HMGXB4: variants seen among roughly 807,000 people sequenced by gnomAD.
The protein encoded by HMGXB4 is HMG domain-containing protein 4.
HMGXB4 carries 27 observed loss-of-function variants against 63.9 expected under a neutral mutation model. The ratio of observed to expected loss-of-function variants is 0.42; its 90% confidence interval spans 0.31 to 0.58. HMGXB4 has a LOEUF of 0.58. Ranked by LOEUF, HMGXB4 falls within the 20% of genes least tolerant of loss-of-function variation. HMGXB4 has a pLI of 0.13. For missense variants in HMGXB4, 624 were observed against 700.7 expected (o/e 0.89, Z 1.24); for synonymous variants, 264 against 265.3 (o/e 0.99, Z 0.05).
At chr22:35,255,402 C>CT (rs1158372968), upstream of HMGXB4, among the ~76,000 whole-genome samples, 1 of 152,154 alleles carries the variant, frequency 6.6e-6, no homozygotes, top group Non-Finnish European at 1.5e-5. Flanking sequence ...GTGGTCCCAG[C>CT]TACTTGGGGG....
chr22:35,291,310 G>C (rs1215262940), intron 9 of HMGXB4, among the ~76,000 whole-genome samples: 1 of 152,112 alleles, frequency 6.6e-6, no homozygotes, highest in Non-Finnish European at 1.5e-5. Flanking sequence ...GGCGTGTGGT[G>C]TGTGTGTATC....
At chr22:35,259,655 T>C (rs907727221) in intron 1 of HMGXB4, among the ~76,000 whole-genome samples, 1 of 152,216 alleles carries the variant, frequency 6.6e-6, no homozygotes, top group Non-Finnish European at 1.5e-5. Context: ...ATATCCTGAT[T>C]TTAAAGAACG....
At chr22:35,242,914 G>A in the HMGXB4 span, among the ~76,000 whole-genome samples, 2 of 152,160 alleles carry the variant, frequency 1.3e-5, no homozygotes, top group African/African-American at 2.4e-5. Context: ...GTTTTCAAGT[G>A]TATGGAGATT....
chr22:35,283,821 A>G, intron 5 of HMGXB4, 141 bp from the exon 6 acceptor site: 1 of 553,190 alleles, frequency 1.8e-6, no homozygotes, highest in Non-Finnish European at 3.2e-6. Context: ...TATCCTGTTT[A>G]GGAAAGCTGG....
At chr22:35,277,905 T>G (rs1305771516) in intron 5 of HMGXB4, among the ~76,000 whole-genome samples, 1 of 152,114 alleles carries the variant, frequency 6.6e-6, no homozygotes, top group African/African-American at 2.4e-5. Flanking sequence ...CCCTCTTACA[T>G]TGGTATTGTC....
chr22:35,255,010 A>G (rs1922330047), upstream of HMGXB4, among the ~76,000 whole-genome samples: 1 of 152,190 alleles, frequency 6.6e-6, no homozygotes, highest in Non-Finnish European at 1.5e-5. Flanking sequence ...CCCTTCTGAC[A>G]GCAACCCTTG....
Position 35,263,826 on chromosome 22 carries a change from A to C in HMGXB4, c.211A>C (p.Thr71Pro). 6.2e-7 allele frequency: 1 copy of C among 1,613,562 alleles called. No individual in the cohort carries two copies. The highest frequency in any genetic ancestry group is 8.5e-7 in the Non-Finnish European group (1 of 1,179,450). Residue 71 changes from threonine (T) to proline (P), a missense_variant, in exon 4 of 11, where the codon ACA becomes CCA. By Grantham distance (38) the Thr-to-Pro change is conservative (BLOSUM62 -1). Coordinates refer to ENST00000216106, the MANE Select transcript of HMGXB4 (RefSeq NM_001003681.3). ...TGAACTTTACTTCTTGGGGACGGAC[A>C]CACACAAGAAGAAGAGGAAGCACTC... is the stretch of plus-strand genomic sequence containing the variant. ...DSELYFLGTDTHKKKRKHSSD... is the reference protein window; with the variant it reads ...DSELYFLGTDPHKKKRKHSSD...
the HMGXB4 span, among the ~76,000 whole-genome samples, chr22:35,246,801 T>G: frequency 6.6e-6 from 1 of 152,250 alleles, no homozygotes; most frequent in African/African-American, 2.4e-5. Flanking sequence ...GCATTTGTTT[T>G]GTATGTAAAA....
intron 5 of HMGXB4, among the ~76,000 whole-genome samples, chr22:35,268,715 G>C (rs918812751): frequency 6.6e-6 from 1 of 152,130 alleles, no homozygotes; most frequent in African/African-American, 2.4e-5. Flanking sequence ...TGAAACCTTA[G>C]CCAAACATTC....
chr22:35,283,892 A>G lies in HMGXB4; in HGVS notation c.1216-70A>G, dbSNP rs573941813. 5.8e-4 allele frequency: 632 copies of G among 1,095,210 alleles called. 3 individuals carry two copies. The African/African-American group carries it at 7.4e-3, about 13-fold the overall frequency. 67.8% of individuals were successfully genotyped at this position (1,095,210 alleles called of 1,614,324 possible). On this transcript the variant is annotated intron_variant, in intron 5 of 10. Coordinates refer to ENST00000216106, the MANE Select transcript of HMGXB4 (RefSeq NM_001003681.3). ...TTAGGTATCCTTCTATTTTATTACT[A>G]TGGATTCAGGGTTACTAAACCTGGG... is the stretch of plus-strand genomic sequence containing the variant.
chr22:35,282,614 T>C (rs938179810), intron 5 of HMGXB4, among the ~76,000 whole-genome samples: 10 of 152,228 alleles, frequency 6.6e-5, no homozygotes, highest in Non-Finnish European at 8.8e-5. Context: ...TGATAACTCT[T>C]TCTTTATTTT....
In HMGXB4 at chr22:35,272,918, C is replaced by G. The variant is rs534914391; in HGVS notation, c.1215+7315C>G. Reference sequence around the variant, plus strand: ...CACTGCCCTCCAGCCTGGGCAACAGCGAGACTGTGTCTCAAGAAAATAAAT... The same window carrying G: ...CACTGCCCTCCAGCCTGGGCAACAGGGAGACTGTGTCTCAAGAAAATAAAT... On this transcript the variant is annotated intron_variant, in intron 5 of 10. Transcript: ENST00000216106. 3.3e-5 allele frequency among the ~76,000 whole-genome samples: 5 copies of G among 152,282 alleles called. No individual in the cohort carries two copies. The South Asian group carries it at 1.0e-3, about 32-fold the overall frequency.
chr22:35,255,611 A>G (rs1853305477), upstream of HMGXB4, among the ~76,000 whole-genome samples: 1 of 152,258 alleles, frequency 6.6e-6, no homozygotes, highest in Admixed American at 6.5e-5. Context: ...ATCTGAGAAT[A>G]AAGCTAACAG....
At position 35,265,211 on chromosome 22, in the gene HMGXB4, G is replaced by A. The variant is rs760999697; in HGVS notation, c.823G>A (p.Ala275Thr). The A allele has an allele frequency of 1.6e-5, 26 of 1,613,930 alleles. No homozygotes were observed. The East Asian group carries it at 2.7e-4, about 17-fold the overall frequency. Residue 275 changes from alanine to threonine, a missense_variant, in exon 5 of 11, where the codon GCA (alanine) becomes ACA (threonine). Around this residue, in one of 2 missense-constraint regions of HMGXB4, gnomAD observed 472 missense variants for 470.6 expected, o/e 1.00. Coordinates refer to ENST00000216106, the MANE Select transcript of HMGXB4 (RefSeq NM_001003681.3). ...EGCGSDASQF[A>T]ESHSANLDLS... ...CTGTGGGTCTGACGCCTCCCAGTTC[G>A]CAGAGTCCCACAGTGCTAACCTTGA...
Position 35,262,307 on chromosome 22 carries a change from C to T in HMGXB4, c.-68-16C>T, listed in dbSNP as rs1922911340. 1 of 1,425,238 alleles carries T rather than the reference C, an allele frequency of 7.0e-7. No homozygotes were observed. Among genetic ancestry groups the T allele is most frequent in the Non-Finnish European group, 9.9e-7 (1 of 1,009,614 alleles). The allele number at this position is 1,425,238 out of a possible 1,614,324, so 88.3% of individuals were successfully genotyped here. On this transcript the variant is annotated splice_polypyrimidine_tract_variant and intron_variant, in intron 1 of 10. Transcript: ENST00000216106. ...GATTTCGCATTACAGGAGGGTTTTC[C>T]TTCTTTGTTTCTCAGACCTGGTCCT... is the stretch of plus-strand genomic sequence containing the variant.
intron 7 of HMGXB4, chr22:35,287,045 C>A: frequency 3.5e-6 from 1 of 288,340 alleles, no homozygotes; most frequent in Non-Finnish European, 6.8e-6. Flanking sequence ...ACCACATAGA[C>A]ATTATATTGA....
In HMGXB4 at chr22:35,288,293, G is replaced by T. The variant is rs1462419618; in HGVS notation, c.1524G>T (p.Leu508=). 6.2e-7 allele frequency: 1 copy of T among 1,611,392 alleles called. No homozygotes were observed. The change falls in exon 9 of 11, where the codon CTG becomes CTT. Residue 508 remains leucine, a synonymous_variant. Transcript: ENST00000216106. ...PQKKSPPTTM[L]LPASPAKAPE... ...AGAAGTCCCCACCCACCACCATGCTGTTACCAGCCTCACCAGCCAAAGCCC... is the reference window on the plus strand; with the variant it reads ...AGAAGTCCCCACCCACCACCATGCTTTTACCAGCCTCACCAGCCAAAGCCC...
intron 5 of HMGXB4, among the ~76,000 whole-genome samples, chr22:35,273,448 A>G (rs4821387): frequency 0.51 from 77,029 of 152,104 alleles, 22,647 homozygotes; most frequent in Non-Finnish European, 0.65. Context: ...ACTTCTGCTC[A>G]TTTGTAAATT....
At chr22:35,265,753 T>C in intron 5 of HMGXB4, 150 bp downstream of exon 5, 3 of 1,141,554 alleles carry the variant, frequency 2.6e-6, no homozygotes, top group Non-Finnish European at 2.4e-6. Flanking sequence ...GTATAAAATA[T>C]TACCAGTAGC....
Sources: allele counts gnomAD v4.1 joint callset (sites outside exome capture counted in the v4.1 genomes callset), GRCh38; gene constraint gnomAD v4.1.1; regional missense constraint gnomAD v4.1.1; transcripts MANE v1.5; gene names NCBI Gene and HGNC (gene_info 2026-07-23, HGNC 2026-07-21).